Variants in OLFM1 observed in about 807,000 individuals in gnomAD.
OLFM1 encodes noelin.
Under a neutral mutation model 49.7 loss-of-function variants are expected in OLFM1, and 9 were observed. The observed-to-expected ratio is 0.18, with a 90% CI of 0.11 to 0.32. The LOEUF (loss-of-function observed/expected upper bound fraction) is 0.32, where lower values mean the gene tolerates loss of function less well. Ranked by LOEUF, OLFM1 falls within the 10% of genes least tolerant of loss-of-function variation. OLFM1 has a pLI of 1.00. For missense variants in OLFM1, 369 were observed against 661.8 expected (o/e 0.56, Z 4.85); for synonymous variants, 240 against 271.8 (o/e 0.88, Z 1.15).
chr9:135,086,741 G>A, upstream of OLFM1: 1 of 455,220 alleles, frequency 2.2e-6, no homozygotes, highest in South Asian at 1.6e-5. Flanking sequence ...TGCTGCGGTC[G>A]CCGCAGAGGG....
exon 1 of OLFM1, chr9:135,075,724 G>A: frequency 1.9e-6 from 3 of 1,601,966 alleles, no homozygotes; most frequent in East Asian, 2.3e-5. Flanking sequence ...GTCGTTGGAG[G>A]TGGCAGCGAG....
intron 5 of OLFM1, among the ~76,000 whole-genome samples, chr9:135,109,639 C>T (rs1026238728): frequency 2.0e-5 from 3 of 152,036 alleles, no homozygotes; most frequent in African/African-American, 4.8e-5. Context: ...CTAGGCCAGC[C>T]GTGGTTTGTT....
chr9:135,117,704 G>C lies in OLFM1; in HGVS notation c.784-1800G>C, dbSNP rs927273230. ...CTGGCTAGGGGTATGGCAGTGAACA[G>C]ATAGGTGCAGCTGCTGCCCCACAAC... On this transcript the variant is annotated intron_variant, in intron 5 of 5. Transcript: ENST00000371793. The surrounding 1 kb of genome is among the most constrained non-coding windows in gnomAD (Gnocchi z 5.5). Among the ~76,000 whole-genome samples, 1 of 152,234 alleles carries C rather than the reference G, an allele frequency of 6.6e-6. No individual in the cohort carries two copies. The highest frequency in any genetic ancestry group is 2.4e-5 in the African/African-American group (1 of 41,468).
chr9:135,121,152 C>T lies in OLFM1; in HGVS notation c.*974C>T, dbSNP rs1389782250. On this transcript the variant is annotated 3_prime_UTR_variant, in exon 6 of 6. Coordinates refer to ENST00000371793, the MANE Select transcript of OLFM1 (RefSeq NM_001282611.2). ...GGCAAACTTTGTACTATCCAGTTAT[C>T]TAAGGAACAATAAAAACATTAGGAG... The T allele has an allele frequency of 1.3e-5, 2 of 152,184 alleles. No individual in the cohort carries two copies. The highest frequency in any genetic ancestry group is 1.3e-4 in the Admixed American group (2 of 15,278). The allele number at this position is 152,184 out of a possible 1,614,324, so 9.4% of individuals were successfully genotyped here.
Position 135,076,530 on chromosome 9 carries a change from G to T in OLFM1, c.96+728G>T, listed in dbSNP as rs549333720. On this transcript the variant is annotated intron_variant, in intron 1 of 5. Coordinates refer to the OLFM1 transcript ENST00000252854. ...ATTTTAAAGATGCATATTGGAGCTGGCAGGTCTTGGGGGAGGAGAAGGGCT... is the reference window on the plus strand; with the variant it reads ...ATTTTAAAGATGCATATTGGAGCTGTCAGGTCTTGGGGGAGGAGAAGGGCT... The T allele has an allele frequency of 2.6e-5, 32 of 1,226,240 alleles. No homozygotes were observed. The South Asian group carries it at 5.2e-4, about 20-fold the overall frequency. The allele number at this position is 1,226,240 out of a possible 1,614,324, so 76.0% of individuals were successfully genotyped here.
chr9:135,078,456 C>G (rs546682), intron 1 of OLFM1, among the ~76,000 whole-genome samples: 1 of 152,090 alleles, frequency 6.6e-6, no homozygotes, highest in Non-Finnish European at 1.5e-5. Flanking sequence ...TCTGTTCTCC[C>G]GACAGCTTAC....
intron 2 of OLFM1, among the ~76,000 whole-genome samples, chr9:135,091,707 T>C (rs28528969): frequency 3.2e-4 from 1 of 3,126 alleles, no homozygotes; most frequent in African/African-American, 1.7e-3. Flanking sequence ...ACAGTCACAC[T>C]CACACATAGT....
In OLFM1 at chr9:135,098,514, A is replaced by G. The variant is rs955309463; in HGVS notation, c.676+9A>G. 3.1e-6 allele frequency: 5 copies of G among 1,610,024 alleles called. No homozygotes were observed. The highest frequency in any genetic ancestry group is 1.3e-5 in the African/African-American group (1 of 74,976). ...ATGCATGCAAAAACTAGGTAGGCCC[A>G]GTACCCTGCGGGACGTGGCGCTGCA... On this transcript the variant is annotated intron_variant, in intron 4 of 5. Transcript: ENST00000371793. The surrounding 1 kb of genome is among the most constrained non-coding windows in gnomAD (Gnocchi z 5.6).
chr9:135,108,306 A>C (rs1361088294), intron 5 of OLFM1, among the ~76,000 whole-genome samples: 1 of 152,212 alleles, frequency 6.6e-6, no homozygotes, highest in Non-Finnish European at 1.5e-5. Context: ...TAATGATCAT[A>C]ATACAGAAGA....
Position 135,121,097 on chromosome 9 carries a change from G to T in OLFM1, c.*919G>T, listed in dbSNP as rs550301958. 1 of 152,198 alleles carries T rather than the reference G, an allele frequency of 6.6e-6. No individual in the cohort carries two copies. The highest frequency in any genetic ancestry group is 1.5e-5 in the Non-Finnish European group (1 of 68,016). The allele number at this position is 152,198 out of a possible 1,614,324, so 9.4% of individuals were successfully genotyped here. Reference sequence around the variant, plus strand: ...GAAAGTCATACGGGCAACAGTATGCGGAAAGTACGTTTTTTAAGTAAAAAA... The same window carrying T: ...GAAAGTCATACGGGCAACAGTATGCTGAAAGTACGTTTTTTAAGTAAAAAA... On this transcript the variant is annotated 3_prime_UTR_variant, in exon 6 of 6. Coordinates refer to ENST00000371793, the MANE Select transcript of OLFM1 (RefSeq NM_001282611.2).
At chr9:135,094,186 C>T (rs974558935) in intron 2 of OLFM1, among the ~76,000 whole-genome samples, 6 of 152,132 alleles carry the variant, frequency 3.9e-5, no homozygotes, top group African/African-American at 9.7e-5. Flanking sequence ...GAGCTACTCC[C>T]GTGCACTAGA....
intron 2 of OLFM1, among the ~76,000 whole-genome samples, chr9:135,091,523 A>AG (rs1830688081): frequency 6.9e-6 from 1 of 144,578 alleles, no homozygotes; most frequent in African/African-American, 2.6e-5. Context: ...ACACACACAT[A>AG]GTCACACAGT....
At position 135,098,185 on chromosome 9, in the gene OLFM1, G is replaced by T; in HGVS notation, c.457-101G>T. The T allele has an allele frequency of 6.7e-7, 1 of 1,493,238 alleles. No homozygotes were observed. The highest frequency in any genetic ancestry group is 1.3e-5 in the South Asian group (1 of 74,614). The allele number at this position is 1,493,238 out of a possible 1,614,324, so 92.5% of individuals were successfully genotyped here. The stretch of plus-strand genomic sequence containing the variant: ...ACAAATAAGCCTGTAAATAAAGCGG[G>T]AATATACACACTTTCCCTCACCTAG... On this transcript the variant is annotated intron_variant, in intron 3 of 5. Coordinates refer to ENST00000371793, the MANE Select transcript of OLFM1 (RefSeq NM_001282611.2). This position sits in a 1 kb window ranked among gnomAD's most constrained non-coding sequence, Gnocchi z 5.6.
At chr9:135,112,034 G>A (rs926356497) in intron 5 of OLFM1, among the ~76,000 whole-genome samples, 2 of 152,174 alleles carry the variant, frequency 1.3e-5, no homozygotes, top group African/African-American at 4.8e-5. Flanking sequence ...TTAACCTTCT[G>A]TTCCTTGGGG....
At chr9:135,104,472 C>G (rs879295581) in intron 4 of OLFM1, among the ~76,000 whole-genome samples, 1 of 152,202 alleles carries the variant, frequency 6.6e-6, no homozygotes, top group Admixed American at 6.5e-5. Flanking sequence ...TGTGGGCCAG[C>G]GTCACGGAAG....
At chr9:135,089,036 G>C (rs985401280) in intron 1 of OLFM1, among the ~76,000 whole-genome samples, 2 of 152,222 alleles carry the variant, frequency 1.3e-5, no homozygotes, top group Non-Finnish European at 2.9e-5. Context: ...TAGGCTGAAA[G>C]GAGAGGTGAA....
chr9:135,091,691 A>ACACAGTCTCACACATAGT (rs1564270871), intron 2 of OLFM1, among the ~76,000 whole-genome samples: 1,003 of 87,424 alleles, frequency 0.011, 135 homozygotes, highest in Non-Finnish European at 0.015. Flanking sequence ...ATAGTCTCAC[A>ACACAGTCTCACACATAGT]CACACACAGT....
Position 135,087,802 on chromosome 9 carries a change from C to G in OLFM1, c.-188C>G. The G allele has an allele frequency of 2.7e-6, 2 of 742,904 alleles. No individual in the cohort carries two copies. The highest frequency in any genetic ancestry group is 3.3e-6 in the Non-Finnish European group (2 of 611,282). The allele number at this position is 742,904 out of a possible 1,614,324, so 46.0% of individuals were successfully genotyped here. A position where few individuals can be genotyped will look rare whatever the true frequency, so the allele number is the denominator to read the frequency against. ...CCACCTGGCCACCTTCCCTGGCGCC[C>G]GGGGAAGGCGCGGCGATGGCCGGGG... is the stretch of plus-strand genomic sequence containing the variant. On this transcript the variant is annotated 5_prime_UTR_variant, in exon 1 of 6. Coordinates refer to ENST00000371793, the MANE Select transcript of OLFM1 (RefSeq NM_001282611.2).
rs1166754123 is a variant in OLFM1, at chr9:135,079,853, G to T, written c.96+4051G>T. Reference sequence around the variant, plus strand: ...TCAAGCTGTCAGTGAACACAGAACAGGCTTGAGTGGCAACCGTCACTGTGA... The same window carrying T: ...TCAAGCTGTCAGTGAACACAGAACATGCTTGAGTGGCAACCGTCACTGTGA... On this transcript the variant is annotated intron_variant, in intron 1 of 5. Coordinates refer to the OLFM1 transcript ENST00000252854. Among the ~76,000 whole-genome samples, 3 of 152,134 alleles carry T rather than the reference G, an allele frequency of 2.0e-5. No individual in the cohort carries two copies. In the East Asian group the frequency reaches 5.8e-4, roughly 30 times the overall value.
Sources: gnomAD v4.1 joint callset for allele counts (sites outside exome capture counted in the v4.1 genomes callset) on GRCh38, gnomAD v4.1.1 for gene constraint, Gnocchi (gnomAD v3.1) non-coding constraint, MANE v1.5 for transcripts, NCBI Gene and HGNC (gene_info 2026-07-23, HGNC 2026-07-21) for gene names.